The following PRP4K variants were observed in gnomAD, a reference collection of about 807,000 sequenced individuals.
PRP4K encodes pre-mRNA processing factor kinase PRP4K.
the PRP4K span, among the ~76,000 whole-genome samples, chr6:4,054,065 C>T: frequency 6.6e-6 from 1 of 151,940 alleles, no homozygotes; most frequent in Admixed American, 6.6e-5. Context: ...AGGCACATGC[C>T]ACTGTGACTG....
At chr6:4,056,244 C>A in the PRP4K span, 3 of 1,057,628 alleles carry the variant, frequency 2.8e-6, no homozygotes, top group Admixed American at 2.1e-5. Context: ...TAAAACTTTT[C>A]AAAGCCAATA....
At chr6:4,061,538 G>A in the PRP4K span, 2 of 152,576 alleles carry the variant, frequency 1.3e-5, no homozygotes, top group African/African-American at 2.4e-5. Flanking sequence ...GCTAGACAAC[G>A]TAATGAAATT....
chr6:4,051,878 G>A, the PRP4K span: 1 of 922,050 alleles, frequency 1.1e-6, no homozygotes, highest in Non-Finnish European at 1.6e-6. Flanking sequence ...TCGTCATACT[G>A]GGGCTAGCAA....
the PRP4K span, chr6:4,042,458 T>G: frequency 6.5e-7 from 1 of 1,527,706 alleles, no homozygotes; most frequent in South Asian, 1.1e-5. Flanking sequence ...TTTTAGAATC[T>G]CTTAAGGGTG....
the PRP4K span, among the ~76,000 whole-genome samples, chr6:4,027,612 G>GGGGGGGGT: frequency 2.8e-5 from 2 of 70,690 alleles, no homozygotes; most frequent in Non-Finnish European, 3.0e-5. Flanking sequence ...GGGGGGTGGG[G>GGGGGGGGT]TGGGGGTTGG....
At chr6:4,063,797 A>G in the PRP4K span, 1 of 152,172 alleles carries the variant, frequency 6.6e-6, no homozygotes, top group African/African-American at 2.4e-5. Flanking sequence ...TATTTAGTGA[A>G]TGCTCCTGAA....
chr6:4,022,321 G>T, the PRP4K span, among the ~76,000 whole-genome samples: 1 of 149,548 alleles, frequency 6.7e-6, no homozygotes, highest in African/African-American at 2.5e-5. Flanking sequence ...AAAAAAATAC[G>T]AGTGTATGCT....
At chr6:4,027,600 T>C in the PRP4K span, among the ~76,000 whole-genome samples, 7 of 25,206 alleles carry the variant, frequency 2.8e-4, no homozygotes, top group African/African-American at 6.0e-4. Flanking sequence ...GGCGGAGGGG[T>C]GGGGGGGTGG....
the PRP4K span, chr6:4,040,813 C>G: frequency 6.2e-7 from 1 of 1,613,916 alleles, no homozygotes; most frequent in Non-Finnish European, 8.5e-7. Context: ...CGAAGGCGGT[C>G]TCGATCACGC....
chr6:4,035,838 A>C, the PRP4K span, among the ~76,000 whole-genome samples: 7 of 152,052 alleles, frequency 4.6e-5, 1 homozygote, highest in Admixed American at 4.6e-4. Context: ...GTGGTTGCTC[A>C]TGCCTGTAAT....
chr6:4,021,317 T>G, the PRP4K span: 2 of 1,451,200 alleles, frequency 1.4e-6, no homozygotes, highest in Non-Finnish European at 9.4e-7. Flanking sequence ...AGCTCTTCCC[T>G]ACACGGTCGG....
the PRP4K span, among the ~76,000 whole-genome samples, chr6:4,038,038 G>T: frequency 2.7e-4 from 41 of 152,072 alleles, no homozygotes; most frequent in African/African-American, 9.4e-4. Flanking sequence ...GGTTAAAAAG[G>T]TGGTTTATAA....
chr6:4,045,457 A>G, the PRP4K span, among the ~76,000 whole-genome samples: 1 of 152,224 alleles, frequency 6.6e-6, no homozygotes, highest in African/African-American at 2.4e-5. Context: ...AGGAAATGCC[A>G]TTTAGACATC....
chr6:4,037,055 A>G, the PRP4K span, among the ~76,000 whole-genome samples: 9 of 152,232 alleles, frequency 5.9e-5, no homozygotes, highest in South Asian at 1.2e-3. Context: ...AAAGTCGTCA[A>G]TGAAAATGGA....
At chr6:4,035,993 A>G in the PRP4K span, among the ~76,000 whole-genome samples, 1 of 138,186 alleles carries the variant, frequency 7.2e-6, no homozygotes, top group Non-Finnish European at 1.5e-5. Flanking sequence ...ATAAATGAGG[A>G]AAATACTGTA....
the PRP4K span, among the ~76,000 whole-genome samples, chr6:4,039,717 G>C: frequency 6.6e-6 from 1 of 152,040 alleles, no homozygotes; most frequent in East Asian, 1.9e-4. Flanking sequence ...CCAATATTCA[G>C]CTCAATTTGA....
the PRP4K span, chr6:4,064,656 G>C: frequency 1.3e-5 from 2 of 152,416 alleles, no homozygotes; most frequent in African/African-American, 4.8e-5. Flanking sequence ...CCTCCTAATG[G>C]AATGTCTTCC....
the PRP4K span, chr6:4,062,146 G>A: frequency 6.6e-6 from 1 of 152,524 alleles, no homozygotes; most frequent in Non-Finnish European, 1.5e-5. The surrounding 1 kb of genome is among the most constrained non-coding windows in gnomAD (Gnocchi z 4.2). Context: ...TAGGTTATGG[G>A]GTATAATTCA....
At chr6:4,051,005 G>C in the PRP4K span, among the ~76,000 whole-genome samples, 1 of 152,104 alleles carries the variant, frequency 6.6e-6, no homozygotes, top group Non-Finnish European at 1.5e-5. Context: ...TGCCTCCTGG[G>C]TTCAAGGGAT....
Sources: gnomAD v4.1 joint callset for allele counts (sites outside exome capture counted in the v4.1 genomes callset) on GRCh38, gnomAD v4.1.1 for gene constraint, Gnocchi (gnomAD v3.1) non-coding constraint, MANE v1.5 for transcripts, NCBI Gene and HGNC (gene_info 2026-07-23, HGNC 2026-07-21) for gene names.